Variants in PRTFDC1 observed in about 807,000 individuals in gnomAD.
PRTFDC1 encodes phosphoribosyl transferase domain containing 1, also known as phosphoribosyltransferase domain-containing protein 1.
Under a neutral mutation model 34.6 loss-of-function variants are expected in PRTFDC1, and 38 were observed. The ratio of observed to expected loss-of-function variants is 1.10; its 90% CI spans 0.85 to 1.44. The LOEUF (loss-of-function observed/expected upper bound fraction) is 1.44, where lower values mean the gene tolerates loss of function less well. PRTFDC1 is among the 40% of genes most tolerant of loss of function. PRTFDC1 has a pLI of 0.00. For synonymous variants in PRTFDC1, 93 were observed against 98.1 expected, an observed-to-expected ratio of 0.95 and a Z score of 0.31; for missense variants, 270 against 283.0, an observed-to-expected ratio of 0.95 and a Z score of 0.33.
At chr10:24,889,975 AC>A (rs1374923361) in intron 3 of PRTFDC1, among the ~76,000 whole-genome samples, 1 of 152,232 alleles carries the variant, frequency 6.6e-6, no homozygotes, top group Non-Finnish European at 1.5e-5. Flanking sequence ...TAAAAGTAGC[AC>A]AAAACACTGC....
rs1848807667 is a variant in PRTFDC1 at position 24,922,575 on chromosome 10, T to TATC, written c.339+14608_339+14609insGAT. On this transcript the variant is annotated intron_variant, in intron 3 of 8. Coordinates refer to ENST00000320152, the MANE Select transcript of PRTFDC1 (RefSeq NM_020200.7). ...GCATATGCCCTCTTGCCTGCCACCA[T>TATC]GTAAGATATGATTTTGCCCCTAATT... Among the ~76,000 whole-genome samples, 3 of 152,250 alleles carry TATC rather than the reference T, an allele frequency of 2.0e-5. No homozygotes were observed. The South Asian group carries it at 6.2e-4, about 32-fold the overall frequency.
chr10:24,904,199 G>C (rs1848495687), intron 3 of PRTFDC1, among the ~76,000 whole-genome samples: 1 of 151,854 alleles, frequency 6.6e-6, no homozygotes. Context: ...AGTTGTTTCA[G>C]TACCGGCCCT....
chr10:24,853,969 G>A (rs1847534071), intron 7 of PRTFDC1, among the ~76,000 whole-genome samples: 1 of 152,122 alleles, frequency 6.6e-6, no homozygotes, highest in Admixed American at 6.5e-5. Context: ...CATGACTTTG[G>A]CAAGCTATTT....
chr10:24,899,506 C>T (rs575257782), intron 3 of PRTFDC1, among the ~76,000 whole-genome samples: 18 of 152,218 alleles, frequency 1.2e-4, no homozygotes, highest in Admixed American at 9.8e-4. Flanking sequence ...CTCTGACCAA[C>T]GACCGCATCC....
intron 1 of PRTFDC1, among the ~76,000 whole-genome samples, chr10:24,943,084 C>A (rs1196539175): frequency 6.7e-6 from 1 of 148,978 alleles, no homozygotes; most frequent in African/African-American, 2.4e-5. Context: ...ATAAATATAT[C>A]ATAATAAACA....
intron 4 of PRTFDC1, among the ~76,000 whole-genome samples, chr10:24,860,559 G>A (rs190447633): frequency 1.6e-4 from 24 of 152,226 alleles, no homozygotes; most frequent in African/African-American, 4.8e-4. Flanking sequence ...CTTCTTGGAA[G>A]TGTTTTTCTG....
chr10:24,901,157 A>G (rs1237909457), intron 3 of PRTFDC1, among the ~76,000 whole-genome samples: 2 of 152,224 alleles, frequency 1.3e-5, no homozygotes, highest in African/African-American at 4.8e-5. Flanking sequence ...ACAAGCCACA[A>G]TTATAATTCC....
At chr10:24,904,463 G>T (rs1479334370) in intron 3 of PRTFDC1, among the ~76,000 whole-genome samples, 2 of 152,142 alleles carry the variant, frequency 1.3e-5, no homozygotes, top group Admixed American at 1.3e-4. Context: ...AAGTACGAAA[G>T]GGCTCCTGCA....
chr10:24,902,196 G>T (rs143950306), intron 3 of PRTFDC1, among the ~76,000 whole-genome samples: 7 of 151,934 alleles, frequency 4.6e-5, no homozygotes, highest in Middle Eastern at 3.2e-3. Context: ...GATTATCCAG[G>T]ATTTTTTTTT....
intron 1 of PRTFDC1, among the ~76,000 whole-genome samples, chr10:24,951,086 G>A (rs1189166577): frequency 1.3e-5 from 2 of 151,990 alleles, no homozygotes; most frequent in African/African-American, 2.4e-5. Context: ...AGCATAAATC[G>A]GATACAATGA....
chr10:24,952,472 G>A lies in PRTFDC1; in HGVS notation c.48+56C>T. ...CGGCAAGCATTTAATCTACAAGCAG[G>A]GTGCCAGGGAGGGAGGGGAGCGGGC... On this transcript the variant is annotated intron_variant, in intron 1 of 8. Transcript: ENST00000320152. The surrounding 1 kb of genome is among the most constrained non-coding windows in gnomAD (Gnocchi z 5.1). 2 of 1,522,298 alleles carry A rather than the reference G, an allele frequency of 1.3e-6. No homozygotes were observed. The highest frequency in any genetic ancestry group is 2.0e-5 in the Admixed American group (1 of 51,192). 94.3% of individuals were successfully genotyped at this position (1,522,298 alleles called of 1,614,324 possible).
At chr10:24,924,710 G>GA (rs571628592) in intron 3 of PRTFDC1, among the ~76,000 whole-genome samples, 4 of 150,422 alleles carry the variant, frequency 2.7e-5, no homozygotes, top group Admixed American at 6.6e-5. Flanking sequence ...ACAGACACAT[G>GA]AAAAAAAAAT....
intron 3 of PRTFDC1, among the ~76,000 whole-genome samples, chr10:24,905,851 T>C (rs1848525998): frequency 6.6e-6 from 1 of 152,134 alleles, no homozygotes; most frequent in East Asian, 1.9e-4. Context: ...CATTCATTCT[T>C]TCTAATTATT....
At position 24,851,457 on chromosome 10, in the gene PRTFDC1, T is replaced by C. The variant is rs1847487813; in HGVS notation, c.561A>G (p.Gly187=). 2 of 1,608,054 alleles carry C rather than the reference T, an allele frequency of 1.2e-6. No individual in the cohort carries two copies. The highest frequency in any genetic ancestry group is 2.7e-5 in the African/African-American group (2 of 74,144). Residue 187 remains glycine, a synonymous_variant, in exon 8 of 9, where the codon GGA becomes GGG. Transcript: ENST00000320152. ...CCACAAATAAGTTTGGAATCTCAAA[T>C]CCAGCATCTTAGCAGACAGAGAAAG... The part of the protein sequence containing the change: ...RSDGFRPDYA[G]FEIPNLFVVG...
intron 6 of PRTFDC1, among the ~76,000 whole-genome samples, chr10:24,855,744 T>G (rs528563441): frequency 3.3e-5 from 5 of 151,714 alleles, no homozygotes; most frequent in Non-Finnish European, 2.9e-5. Flanking sequence ...GCAGTGAGCC[T>G]TGATTGCACT....
rs982872816 is a variant in PRTFDC1 at position 24,848,831 on chromosome 10, A to C, written c.*1013T>G. 6.6e-6 allele frequency: 1 copy of C among 152,208 alleles called. No homozygotes were observed. Among genetic ancestry groups the C allele is most frequent in the Non-Finnish European group, 1.5e-5 (1 of 68,038 alleles). 9.4% of individuals were successfully genotyped at this position (152,208 alleles called of 1,614,324 possible). A position where few individuals can be genotyped will look rare whatever the true frequency, so the allele number is the denominator to read the frequency against. ...TAGGAAATGTCTTATAAAACGGAGA[A>C]ATTGGAAAAAAATGTTATTCAGAAA... On this transcript the variant is annotated 3_prime_UTR_variant, in exon 9 of 9. Transcript: ENST00000320152.
At chr10:24,923,338 T>A (rs1229265609) in intron 3 of PRTFDC1, among the ~76,000 whole-genome samples, 1 of 152,218 alleles carries the variant, frequency 6.6e-6, no homozygotes, top group Non-Finnish European at 1.5e-5. Flanking sequence ...ACGGACAGAC[T>A]GCCTCCTCAA....
chr10:24,856,786 T>A (rs1847584978), intron 6 of PRTFDC1, 127 bp downstream of exon 6: 2 of 831,392 alleles, frequency 2.4e-6, no homozygotes, highest in East Asian at 5.1e-5. Context: ...CAAGCTGTAA[T>A]ACCCCAGGGG....
intron 3 of PRTFDC1, among the ~76,000 whole-genome samples, chr10:24,900,515 T>C (rs1848431839): frequency 6.6e-6 from 1 of 152,228 alleles, no homozygotes; most frequent in Non-Finnish European, 1.5e-5. Flanking sequence ...CCTCAGATCC[T>C]TCTAGAATCT....
Sources: allele counts gnomAD v4.1 joint callset (sites outside exome capture counted in the v4.1 genomes callset), GRCh38; gene constraint gnomAD v4.1.1; non-coding constraint Gnocchi (gnomAD v3.1); transcripts MANE v1.5; gene names NCBI Gene and HGNC (gene_info 2026-07-23, HGNC 2026-07-21).